The following KCNN3 variants were observed in gnomAD, a reference collection of about 807,000 sequenced individuals.
The protein encoded by KCNN3 is small conductance calcium-activated potassium channel protein 3.
KCNN3 carries 16 observed loss-of-function variants against 62.9 expected under a neutral mutation model. That is an observed-to-expected ratio of 0.25 (90% CI 0.17 to 0.39). The LOEUF is 0.39. KCNN3 is among the 10% of genes least tolerant of loss of function. KCNN3 has a pLI of 1.00. For missense variants in KCNN3, 599 were observed against 949.4 expected, an observed-to-expected ratio of 0.63 and a Z score of 4.85; for synonymous variants, 370 against 389.2, an observed-to-expected ratio of 0.95 and a Z score of 0.58.
intron 1 of KCNN3, among the ~76,000 whole-genome samples, chr1:154,857,882 T>C (rs551962533): frequency 6.6e-6 from 1 of 152,296 alleles, no homozygotes; most frequent in South Asian, 2.1e-4. Flanking sequence ...AGACCCGGTG[T>C]TGCTTTGGAG....
At chr1:154,849,915 G>A (rs910811158) in intron 1 of KCNN3, among the ~76,000 whole-genome samples, 1 of 152,108 alleles carries the variant, frequency 6.6e-6, no homozygotes, top group Non-Finnish European at 1.5e-5. Flanking sequence ...ATGTCTCCAG[G>A]CATTGCTAAA....
At chr1:154,868,934 C>A in intron 1 of KCNN3, 98 bp downstream of exon 1, 1 of 1,052,598 alleles carries the variant, frequency 9.5e-7, no homozygotes, top group Non-Finnish European at 1.4e-6. Flanking sequence ...CTCTCTCTCT[C>A]TCAATCTCTC....
chr1:154,829,802 C>A (rs1651309434), intron 1 of KCNN3, among the ~76,000 whole-genome samples: 2 of 152,170 alleles, frequency 1.3e-5, no homozygotes, highest in Admixed American at 6.5e-5. Context: ...GTAACCTCAG[C>A]ACCAGGAACC....
chr1:154,714,282 G>A (rs1700162593), intron 6 of KCNN3, among the ~76,000 whole-genome samples: 1 of 127,604 alleles, frequency 7.8e-6, no homozygotes, highest in African/African-American at 3.0e-5. Context: ...GGTGTGTGTG[G>A]TGTGTGGTGT....
chr1:154,869,299 G>A lies in KCNN3; in HGVS notation c.666C>T (p.Ser222=). 4 of 1,613,854 alleles carry A rather than the reference G, an allele frequency of 2.5e-6. No individual in the cohort carries two copies. Among genetic ancestry groups the A allele is most frequent in the Non-Finnish European group, 3.4e-6 (4 of 1,179,752 alleles). The change falls in exon 1 of 8, where the codon TCC becomes TCT. Residue 222 remains serine (S), a synonymous_variant. Transcript: ENST00000271915. The surrounding 1 kb of genome is among the most constrained non-coding windows in gnomAD (Gnocchi z 6.1). The part of the protein sequence containing the change: ...SPSNPPEIVI[S]SREDNHAHQT... ...GGTGGGCATGGTTGTCCTCCCGGGA[G>A]GAGATGACGATCTCCGGGGGGTTGC...
rs1022565253 is a variant in KCNN3 at position 154,733,663 on chromosome 1, C to T, written c.1449-519G>A. Among the ~76,000 whole-genome samples, 13 of 152,252 alleles carry T rather than the reference C, an allele frequency of 8.5e-5. No individual in the cohort carries two copies. In the East Asian group the frequency reaches 2.1e-3, roughly 25 times the overall value. On this transcript the variant is annotated intron_variant, in intron 3 of 7. Transcript: ENST00000271915. The stretch of plus-strand genomic sequence containing the variant: ...GGGAAGCTGTGGTGGTTGGGGCTCT[C>T]GTGGAGCTGTCTCTAGAGGGGGCTC...
intron 1 of KCNN3, among the ~76,000 whole-genome samples, chr1:154,826,381 T>A (rs901321864): frequency 1.3e-5 from 2 of 152,208 alleles, no homozygotes; most frequent in Non-Finnish European, 2.9e-5. Flanking sequence ...TATAGGGGCC[T>A]ACCATGCAAG....
chr1:154,784,531 G>T (rs77376293), intron 2 of KCNN3, among the ~76,000 whole-genome samples: 8,427 of 152,246 alleles, frequency 0.055, 276 homozygotes, highest in Non-Finnish European at 0.078. Flanking sequence ...GCCTAAGCTG[G>T]TCCCTTCTGA....
At chr1:154,743,898 G>A (rs1164853421) in intron 3 of KCNN3, among the ~76,000 whole-genome samples, 1 of 152,176 alleles carries the variant, frequency 6.6e-6, no homozygotes, top group African/African-American at 2.4e-5. Context: ...TTATTGTGAA[G>A]TAATCCCATC....
At chr1:154,733,316 C>G (rs998196282) in intron 3 of KCNN3, among the ~76,000 whole-genome samples, 172 bp from the exon 4 acceptor site, 4 of 152,202 alleles carry the variant, frequency 2.6e-5, no homozygotes, top group African/African-American at 7.2e-5. Context: ...ACTGTGCCCA[C>G]CCAGGTCCCA....
At chr1:154,807,211 C>G (rs1650207023) in intron 2 of KCNN3, among the ~76,000 whole-genome samples, 1 of 152,090 alleles carries the variant, frequency 6.6e-6, no homozygotes, top group Non-Finnish European at 1.5e-5. Context: ...GAAGGTGAAA[C>G]AAGGTGGTTT....
chr1:154,804,063 C>A (rs1023591544), intron 2 of KCNN3, among the ~76,000 whole-genome samples: 15 of 152,212 alleles, frequency 9.9e-5, no homozygotes, highest in Non-Finnish European at 2.1e-4. Context: ...TCCTCCTTTA[C>A]CACCCTCTGC....
chr1:154,762,598 A>G (rs1036814724), intron 3 of KCNN3, among the ~76,000 whole-genome samples: 1 of 152,218 alleles, frequency 6.6e-6, no homozygotes, highest in South Asian at 2.1e-4. Context: ...TTTTTCTAGC[A>G]TAACATTTGC....
chr1:154,730,810 A>T (rs1700575536), intron 4 of KCNN3, among the ~76,000 whole-genome samples: 1 of 151,958 alleles, frequency 6.6e-6, no homozygotes, highest in South Asian at 2.1e-4. Context: ...CTTTGATCAC[A>T]CCTCAATCCA....
chr1:154,756,404 T>A (rs866197297), intron 3 of KCNN3, among the ~76,000 whole-genome samples: 8 of 152,266 alleles, frequency 5.3e-5, no homozygotes, highest in Middle Eastern at 3.4e-3. Flanking sequence ...CCACTGCACT[T>A]AGGTTCAACC....
chr1:154,762,164 G>A (rs973364977), intron 3 of KCNN3, among the ~76,000 whole-genome samples: 2 of 152,092 alleles, frequency 1.3e-5, no homozygotes, highest in East Asian at 1.9e-4. Context: ...TATTAAAATA[G>A]CTTCCTAGAA....
At chr1:154,855,605 A>G (rs1348659428) in intron 1 of KCNN3, among the ~76,000 whole-genome samples, 1 of 152,238 alleles carries the variant, frequency 6.6e-6, no homozygotes, top group Non-Finnish European at 1.5e-5. Context: ...GCAGAAGGCC[A>G]TGCCACCTAG....
chr1:154,859,881 A>G (rs2101932723), intron 1 of KCNN3: 1 of 1,503,840 alleles, frequency 6.6e-7, no homozygotes, highest in Non-Finnish European at 8.9e-7. Flanking sequence ...TCCTTTAAGA[A>G]AAATGCCCAA....
chr1:154,733,358 C>G (rs1185448510), intron 3 of KCNN3, among the ~76,000 whole-genome samples: 3 of 152,216 alleles, frequency 2.0e-5, no homozygotes, highest in Non-Finnish European at 4.4e-5. Flanking sequence ...GGCCTCCCGC[C>G]ATGAGCTTGG....
Sources: allele counts gnomAD v4.1 joint callset (sites outside exome capture counted in the v4.1 genomes callset), GRCh38; gene constraint gnomAD v4.1.1; non-coding constraint Gnocchi (gnomAD v3.1); transcripts MANE v1.5; gene names NCBI Gene and HGNC (gene_info 2026-07-23, HGNC 2026-07-21).